Variants in MAN1C1 observed in about 807,000 individuals in gnomAD.
MAN1C1 encodes mannosidase alpha class 1C member 1, also known as mannosyl-oligosaccharide 1,2-alpha-mannosidase IC.
Under a neutral mutation model 71.5 loss-of-function variants are expected in MAN1C1, and 49 were observed. That is an observed-to-expected ratio of 0.69 (90% CI 0.54 to 0.87). MAN1C1 has a LOEUF of 0.87. Among genes scored for constraint, MAN1C1 ranks in the 40% least tolerant of loss-of-function variants. The pLI, the probability that MAN1C1 is intolerant of heterozygous loss-of-function variation, is 0.00. For missense variants in MAN1C1, 743 were observed against 835.0 expected, an observed-to-expected ratio of 0.89 and a Z score of 1.36; for synonymous variants, 352 against 343.7, an observed-to-expected ratio of 1.02 and a Z score of -0.27.
chr1:25,643,522 C>T lies in MAN1C1; in HGVS notation c.540+25185C>T, dbSNP rs190057377. Among the ~76,000 whole-genome samples the T allele has an allele frequency of 7.8e-4, 114 of 145,702 alleles. 1 individual carries two copies. The highest frequency in any genetic ancestry group is 2.7e-3 in the African/African-American group (108 of 39,638). On this transcript the variant is annotated intron_variant, in intron 1 of 11. Transcript: ENST00000374332. ...CTGATCTCAGATAATCCACCTGTCT[C>T]GGCCTCCCCAAGTGTTGGGATTACA...
intron 1 of MAN1C1, among the ~76,000 whole-genome samples, chr1:25,620,072 C>T (rs1484721994): frequency 6.6e-6 from 1 of 152,194 alleles, no homozygotes; most frequent in Non-Finnish European, 1.5e-5. Flanking sequence ...GAAGGAAGGG[C>T]TGGCTAGTAG....
intron 1 of MAN1C1, among the ~76,000 whole-genome samples, chr1:25,641,321 G>A (rs1257468435): frequency 1.3e-5 from 2 of 152,162 alleles, no homozygotes; most frequent in Non-Finnish European, 1.5e-5. Context: ...CCAACCCCAG[G>A]TCCCACCAGT....
At chr1:25,699,340 T>TGA (rs1354356699) in intron 2 of MAN1C1, among the ~76,000 whole-genome samples, 16 of 145,270 alleles carry the variant, frequency 1.1e-4, no homozygotes, top group Non-Finnish European at 9.0e-5. Context: ...AGAAGAAGCA[T>TGA]GAGAGAGGGA....
chr1:25,643,220 CT>C (rs1328411644), intron 1 of MAN1C1, among the ~76,000 whole-genome samples: 1 of 148,270 alleles, frequency 6.7e-6, no homozygotes, highest in Non-Finnish European at 1.5e-5. Flanking sequence ...GTCCTTAGTC[CT>C]ACCTCCCTTT....
At chr1:25,774,622 C>T (rs983352606) in intron 8 of MAN1C1, among the ~76,000 whole-genome samples, 2 of 152,180 alleles carry the variant, frequency 1.3e-5, no homozygotes, top group Admixed American at 6.5e-5. Flanking sequence ...TTAATCCTCA[C>T]AACCAACCCA....
rs1399996263 is a variant in MAN1C1, at chr1:25,782,764, C to A, written c.1766+64C>A. On this transcript the variant is annotated intron_variant, in intron 11 of 11. Coordinates refer to ENST00000374332, the MANE Select transcript of MAN1C1 (RefSeq NM_020379.4). This position sits in a 1 kb window ranked among gnomAD's most constrained non-coding sequence, Gnocchi z 4.4. ...GAGGTTGAGGGTAGGGGTCCGCAGT[C>A]CCTCCCCTCCACAGTCAGGTTCTGT... 31 of 1,184,746 alleles carry A rather than the reference C, an allele frequency of 2.6e-5. No homozygotes were observed. Among genetic ancestry groups the A allele is most frequent in the Non-Finnish European group, 3.9e-5 (31 of 794,190 alleles). The allele number at this position is 1,184,746 out of a possible 1,614,324, so 73.4% of individuals were successfully genotyped here.
rs2047641473 is a variant in MAN1C1, at chr1:25,778,043, C to T, written c.1258-62C>T. ...CCAAAATGTTCATTTTCCATCCTTT[C>T]CCCCCCTTCTCTGTGCCCTCCCACG... On this transcript the variant is annotated intron_variant, in intron 8 of 11. Coordinates refer to ENST00000374332, the MANE Select transcript of MAN1C1 (RefSeq NM_020379.4). This position sits in a 1 kb window ranked among gnomAD's most constrained non-coding sequence, Gnocchi z 5.5. The T allele has an allele frequency of 1.6e-6, 2 of 1,236,310 alleles. No individual in the cohort carries two copies. The highest frequency in any genetic ancestry group is 2.3e-6 in the Non-Finnish European group (2 of 888,470). The allele number at this position is 1,236,310 out of a possible 1,614,324, so 76.6% of individuals were successfully genotyped here.
rs1313775284 is a variant in MAN1C1 at position 25,631,760 on chromosome 1, G to A, written c.540+13423G>A. ...TTGTTATGAAAGTGATACTGGCTTC[G>A]TAGAATGATTTAGGGAGGATTTCCT... On this transcript the variant is annotated intron_variant, in intron 1 of 11. Transcript: ENST00000374332. The surrounding 1 kb of genome is among the most constrained non-coding windows in gnomAD (Gnocchi z 4.2). 3.3e-5 allele frequency among the ~76,000 whole-genome samples: 5 copies of A among 152,034 alleles called. No homozygotes were observed. The highest frequency in any genetic ancestry group is 1.9e-4 in the East Asian group (1 of 5,184).
intron 1 of MAN1C1, among the ~76,000 whole-genome samples, chr1:25,671,473 G>C (rs753376086): frequency 1.1e-4 from 16 of 152,356 alleles, no homozygotes; most frequent in Non-Finnish European, 1.6e-4. Context: ...GGGCAAAGGA[G>C]ACAGACATGA....
intron 7 of MAN1C1, among the ~76,000 whole-genome samples, chr1:25,768,960 ACACC>A (rs2047504513): frequency 9.2e-6 from 1 of 108,132 alleles, no homozygotes; most frequent in African/African-American, 3.6e-5. Flanking sequence ...TCCCCTACAC[ACACC>A]CCCACACTAC....
chr1:25,651,283 GAC>G (rs1288810182), intron 1 of MAN1C1, among the ~76,000 whole-genome samples: 1 of 152,250 alleles, frequency 6.6e-6, no homozygotes, highest in Non-Finnish European at 1.5e-5. Flanking sequence ...TGGCCAGAAA[GAC>G]AGACTTCCCT....
rs553743343 is a variant in MAN1C1, at chr1:25,779,632, C to T, written c.1477+1308C>T. ...TAAAGCATATTGTTCTAGCCAGCCT[C>T]GGCTTGTCCTGTGGACGCCTGTAGC... On this transcript the variant is annotated intron_variant, in intron 9 of 11. Coordinates refer to ENST00000374332, the MANE Select transcript of MAN1C1 (RefSeq NM_020379.4). This position sits in a 1 kb window ranked among gnomAD's most constrained non-coding sequence, Gnocchi z 4.6. Among the ~76,000 whole-genome samples the T allele has an allele frequency of 6.6e-6, 1 of 152,298 alleles. No individual in the cohort carries two copies. The highest frequency in any genetic ancestry group is 2.4e-5 in the African/African-American group (1 of 41,562).
intron 2 of MAN1C1, among the ~76,000 whole-genome samples, chr1:25,727,622 AGTCACT>A (rs2046850014): frequency 6.6e-6 from 1 of 152,244 alleles, no homozygotes; most frequent in African/African-American, 2.4e-5. Context: ...TCTGTGTGAA[AGTCACT>A]GAGGCCAGAG....
At chr1:25,655,673 T>G (rs2045753874) in intron 1 of MAN1C1, among the ~76,000 whole-genome samples, 1 of 152,172 alleles carries the variant, frequency 6.6e-6, no homozygotes, top group Non-Finnish European at 1.5e-5. Flanking sequence ...TTGTGTCTCT[T>G]ATCGGCCTCT....
In MAN1C1 at chr1:25,778,789, C is replaced by G. The variant is rs993930094; in HGVS notation, c.1477+465C>G. 6.6e-6 allele frequency among the ~76,000 whole-genome samples: 1 copy of G among 152,150 alleles called. No individual in the cohort carries two copies. Among genetic ancestry groups the G allele is most frequent in the African/African-American group, 2.4e-5 (1 of 41,436 alleles). ...AGAGGGGGTTTCACCGCCTCCTGCT[C>G]CCACCTGTTTAGTCGCCCTCTTTGA... On this transcript the variant is annotated intron_variant, in intron 9 of 11. Transcript: ENST00000374332. The surrounding 1 kb of genome is among the most constrained non-coding windows in gnomAD (Gnocchi z 5.5).
At chr1:25,715,232 T>G (rs2046665005) in intron 2 of MAN1C1, among the ~76,000 whole-genome samples, 1 of 152,188 alleles carries the variant, frequency 6.6e-6, no homozygotes, top group African/African-American at 2.4e-5. Context: ...CCCATGGCTC[T>G]GCCTATCCCT....
Position 25,783,562 on chromosome 1 carries a change from A to T in MAN1C1, c.1767-101A>T. ...TTGCAAGGCTCCAGACCTTGACCAT[A>T]GGCCTATCACAAAGGCCCTGAGACT... On this transcript the variant is annotated intron_variant, in intron 11 of 11. Transcript: ENST00000374332. 3.0e-6 allele frequency: 4 copies of T among 1,345,050 alleles called. No homozygotes were observed. The Admixed American group carries it at 6.9e-5, about 23-fold the overall frequency. 83.3% of individuals were successfully genotyped at this position (1,345,050 alleles called of 1,614,324 possible).
intron 1 of MAN1C1, among the ~76,000 whole-genome samples, chr1:25,675,552 C>G (rs888637236): frequency 3.0e-5 from 4 of 131,496 alleles, no homozygotes; most frequent in Non-Finnish European, 6.1e-5. Context: ...AATGTGTATG[C>G]AAGTGTCTTT....
At chr1:25,649,625 G>A (rs2045662668) in intron 1 of MAN1C1, among the ~76,000 whole-genome samples, 1 of 152,078 alleles carries the variant, frequency 6.6e-6, no homozygotes, top group Admixed American at 6.6e-5. Flanking sequence ...CCCCAGTTTT[G>A]GGGCTGGGTA....
Sources: gnomAD v4.1 joint callset for allele counts (sites outside exome capture counted in the v4.1 genomes callset) on GRCh38, gnomAD v4.1.1 for gene constraint, Gnocchi (gnomAD v3.1) non-coding constraint, MANE v1.5 for transcripts, NCBI Gene and HGNC (gene_info 2026-07-23, HGNC 2026-07-21) for gene names.